Variants in SCN9A observed in about 807,000 individuals in gnomAD.
The protein encoded by SCN9A is sodium voltage-gated channel alpha subunit 9, also known as sodium channel protein type 9 subunit alpha.
Under a neutral mutation model 187.0 loss-of-function variants are expected in SCN9A, and 131 were observed. That is an observed-to-expected ratio of 0.70 (90% CI 0.61 to 0.81). The LOEUF is 0.81. Among genes scored for constraint, SCN9A ranks in the 30% least tolerant of loss-of-function variants. SCN9A has a pLI of 0.00. For synonymous variants in SCN9A, 809 were observed against 808.6 expected, an observed-to-expected ratio of 1.00 and a Z score of -0.01; for missense variants, 2,252 against 2,396.6, an observed-to-expected ratio of 0.94 and a Z score of 1.26.
At chr2:166,205,058 T>C (rs907306786) in intron 24 of SCN9A, 3 of 152,156 alleles carry the variant, frequency 2.0e-5, no homozygotes, top group African/African-American at 7.2e-5. Context: ...ATAGGAAGAC[T>C]CAATATCATG....
intron 1 of SCN9A, among the ~76,000 whole-genome samples, chr2:166,341,171 G>A (rs1574944707): frequency 6.6e-6 from 1 of 152,150 alleles, no homozygotes; most frequent in Non-Finnish European, 1.5e-5. Flanking sequence ...GTATGTAATA[G>A]AGTGACATTT....
chr2:166,304,463 A>G (rs1698685886), intron 5 of SCN9A, 134 bp from the exon 6 acceptor site: 1 of 685,826 alleles, frequency 1.5e-6, no homozygotes, highest in Admixed American at 2.9e-5. Flanking sequence ...TTTTGCTATC[A>G]TAACTAACTT....
rs201162417 is a variant in SCN9A at position 166,293,352 on chromosome 2, G to A, written c.986C>T (p.Thr329Ile). The change falls in exon 9 of 27, where the codon ACC becomes ATC. Residue 329 changes from threonine (T) to isoleucine (I), a missense_variant. Physicochemically the swap from Thr to Ile is moderately conservative, Grantham distance 89. Coordinates refer to ENST00000642356, the MANE Select transcript of SCN9A (RefSeq NM_001365536.1). ...AGGGTTTCTGCCAATTTTCACACAG[G>A]TGTACCCCTCTGGACACTGACTACA... is the stretch of plus-strand genomic sequence containing the variant. ...TDSGQCPEGY[T>I]CVKIGRNPDY... 1.2e-6 allele frequency: 2 copies of A among 1,609,464 alleles called. No individual in the cohort carries two copies.
At chr2:166,361,260 T>C (rs1420644362) in intron 1 of SCN9A, among the ~76,000 whole-genome samples, 1 of 152,180 alleles carries the variant, frequency 6.6e-6, no homozygotes, top group Non-Finnish European at 1.5e-5. Flanking sequence ...TGATTTTGTA[T>C]ACCTAAAGCT....
intron 26 of SCN9A, among the ~76,000 whole-genome samples, chr2:166,203,464 C>T (rs1158898312): frequency 6.6e-6 from 1 of 151,898 alleles, no homozygotes; most frequent in Non-Finnish European, 1.5e-5. Flanking sequence ...ATTTTATACA[C>T]TTGTGAAGTA....
At chr2:166,347,194 G>A (rs13417859) in intron 1 of SCN9A, among the ~76,000 whole-genome samples, 8,777 of 152,202 alleles carry the variant, frequency 0.058, 736 homozygotes, top group African/African-American at 0.19. Context: ...CACTCTTGCC[G>A]TCTTTATAGC....
Position 166,198,724 on chromosome 2 carries a change from T to C in SCN9A, c.5915A>G (p.Asp1972Gly), listed in dbSNP as rs2106335560. The change falls in exon 27 of 27, where the codon GAC becomes GGC. Residue 1972 changes from aspartate to glycine, a missense_variant. By Grantham distance (94) the Asp-to-Gly change is moderately conservative. Coordinates refer to ENST00000642356, the MANE Select transcript of SCN9A (RefSeq NM_001365536.1). ...CCCTTTGTCTTCCTTTTCTGTTCTG[T>C]CTTGTTCATATTTCTCTTTGTCTGG... Reference protein sequence around the residue: ...TKPDKEKYEQDRTEKEDKGKD... With the variant: ...TKPDKEKYEQGRTEKEDKGKD... The C allele has an allele frequency of 1.2e-6, 2 of 1,613,230 alleles. No individual in the cohort carries two copies. Among genetic ancestry groups the C allele is most frequent in the Non-Finnish European group, 1.7e-6 (2 of 1,179,508 alleles).
At chr2:166,289,738 G>A (rs1255989397) in intron 9 of SCN9A, among the ~76,000 whole-genome samples, 1 of 151,908 alleles carries the variant, frequency 6.6e-6, no homozygotes, top group African/African-American at 2.4e-5. Context: ...CACACTGGTT[G>A]AACTAATTTA....
At chr2:166,288,120 T>TATACACAC (rs56738765) in intron 10 of SCN9A, among the ~76,000 whole-genome samples, 4 of 135,560 alleles carry the variant, frequency 3.0e-5, no homozygotes, top group Admixed American at 1.5e-4. Context: ...TATATATATA[T>TATACACAC]ACACACACAT....
intron 9 of SCN9A, among the ~76,000 whole-genome samples, chr2:166,291,632 G>C (rs1698075289): frequency 6.6e-6 from 1 of 152,100 alleles, no homozygotes; most frequent in South Asian, 2.1e-4. Flanking sequence ...TAAGCAAAAA[G>C]AACAAAGCTG....
At chr2:166,359,643 A>G (rs1259846035) in intron 1 of SCN9A, among the ~76,000 whole-genome samples, 1 of 152,072 alleles carries the variant, frequency 6.6e-6, no homozygotes, top group Non-Finnish European at 1.5e-5. Flanking sequence ...TAACTTCAAC[A>G]AGAGTAGTTC....
In SCN9A at chr2:166,305,974, G is replaced by A. The variant is rs1406611842; in HGVS notation, c.468-54C>T. ...GATGTGAAAAGAATACAACCACCAT[G>A]TAAATCTTTATAACTTATTTTCTCT... On this transcript the variant is annotated intron_variant, in intron 4 of 26. Coordinates refer to ENST00000642356, the MANE Select transcript of SCN9A (RefSeq NM_001365536.1). The A allele has an allele frequency of 8.8e-6, 14 of 1,593,630 alleles. No individual in the cohort carries two copies. The East Asian group carries it at 3.1e-4, about 36-fold the overall frequency.
chr2:166,245,949 A>C (rs1695769400), intron 18 of SCN9A, among the ~76,000 whole-genome samples: 1 of 152,054 alleles, frequency 6.6e-6, no homozygotes, highest in Non-Finnish European at 1.5e-5. Context: ...TAATTAGTGC[A>C]TTGATCCAGT....
chr2:166,269,403 G>C (rs866789333), intron 17 of SCN9A, among the ~76,000 whole-genome samples: 1 of 151,974 alleles, frequency 6.6e-6, no homozygotes, highest in African/African-American at 2.4e-5. Context: ...CCCCAGGGGA[G>C]ACAAATTATT....
At chr2:166,278,785 GA>G (rs921604288) in intron 14 of SCN9A, among the ~76,000 whole-genome samples, 3 of 152,002 alleles carry the variant, frequency 2.0e-5, no homozygotes, top group Non-Finnish European at 4.4e-5. Context: ...CAGCAGAAGA[GA>G]AAAAAGTATT....
At chr2:166,280,957 C>T (rs769345695) in intron 13 of SCN9A, among the ~76,000 whole-genome samples, 3 of 152,066 alleles carry the variant, frequency 2.0e-5, no homozygotes, top group Non-Finnish European at 2.9e-5. Context: ...GTTTTTAGTC[C>T]CATGACAACA....
At chr2:166,279,412 A>T (rs1421692890) in intron 14 of SCN9A, among the ~76,000 whole-genome samples, 1 of 152,158 alleles carries the variant, frequency 6.6e-6, no homozygotes, top group Non-Finnish European at 1.5e-5. Flanking sequence ...TCATAAGCTG[A>T]GATTCTCTGG....
intron 1 of SCN9A, among the ~76,000 whole-genome samples, chr2:166,318,135 C>A (rs1181182746): frequency 3.3e-5 from 5 of 152,082 alleles, no homozygotes; most frequent in Admixed American, 2.0e-4. Context: ...AGGATAATAT[C>A]TGCATTAATT....
intron 1 of SCN9A, among the ~76,000 whole-genome samples, chr2:166,365,955 G>T (rs1378508584): frequency 6.6e-6 from 1 of 152,194 alleles, no homozygotes; most frequent in Non-Finnish European, 1.5e-5. Context: ...GGGAAGGAAA[G>T]AAGGAATTGC....
Sources: allele counts gnomAD v4.1 joint callset (sites outside exome capture counted in the v4.1 genomes callset), GRCh38; gene constraint gnomAD v4.1.1; transcripts MANE v1.5; gene names NCBI Gene and HGNC (gene_info 2026-07-23, HGNC 2026-07-21).